PRH1: variants seen among roughly 807,000 people sequenced by gnomAD.
PRH1 encodes the protein proline rich protein HaeIII subfamily 1, also known as salivary acidic proline-rich phosphoprotein 1/2.
In PRH1, 7 loss-of-function variants were observed where a neutral mutation model predicts 7.9. The ratio of observed to expected loss-of-function variants is 0.89; its 90% CI spans 0.50 to 1.67. PRH1 has a LOEUF of 1.67. Ranked by LOEUF, PRH1 falls within the 40% of genes most tolerant of loss-of-function variation. The probability of loss-of-function intolerance (pLI) is 0.00; values close to 1 mark genes in which losing one functional copy is unlikely to be tolerated. For synonymous variants in PRH1, 45 were observed against 80.8 expected, an observed-to-expected ratio of 0.56 and a Z score of 2.38; for missense variants, 109 against 223.6, an observed-to-expected ratio of 0.49 and a Z score of 3.27.
intron 2 of PRH1, among the ~76,000 whole-genome samples, chr12:10,944,531 T>C (rs1221085130): frequency 3.3e-5 from 5 of 151,980 alleles, no homozygotes; most frequent in Admixed American, 2.0e-4. Context: ...TACTCTATGG[T>C]TTTTTGGGCG....
chr12:10,882,115 G>A, intron 3 of PRH1, 102 bp downstream of exon 3: 1 of 1,558,808 alleles, frequency 6.4e-7, no homozygotes, highest in South Asian at 1.2e-5. Context: ...TGTGTTCCAG[G>A]ACAGGGCAAT....
At chr12:11,045,298 G>A (rs1258138885) in intron 1 of PRH1, among the ~76,000 whole-genome samples, 1 of 144,682 alleles carries the variant, frequency 6.9e-6, no homozygotes, top group Non-Finnish European at 1.5e-5. Flanking sequence ...AAGGGAAGGA[G>A]TGGCTGGTTA....
At chr12:11,034,304 A>G (rs1332519532) in intron 1 of PRH1, among the ~76,000 whole-genome samples, 1 of 22,462 alleles carries the variant, frequency 4.5e-5, no homozygotes, top group African/African-American at 1.9e-4. Context: ...AACAGTTATG[A>G]ATAATTCTAC....
chr12:10,943,837 C>T (rs759690987), intron 2 of PRH1, among the ~76,000 whole-genome samples: 5 of 152,150 alleles, frequency 3.3e-5, no homozygotes, highest in African/African-American at 7.2e-5. Context: ...GTCTTGTTCC[C>T]ATAGCTTGTT....
intron 1 of PRH1, among the ~76,000 whole-genome samples, chr12:11,128,555 G>A (rs935071939): frequency 1.3e-5 from 2 of 152,146 alleles, no homozygotes; most frequent in Non-Finnish European, 2.9e-5. Flanking sequence ...ATCCAGCATG[G>A]CCAACATGGT....
At chr12:11,068,019 CTTT>C (rs941569005) in intron 1 of PRH1, among the ~76,000 whole-genome samples, 4 of 133,400 alleles carry the variant, frequency 3.0e-5, no homozygotes, top group Non-Finnish European at 5.0e-5. Context: ...TATGTTTCTG[CTTT>C]TTTAACTTTT....
Position 11,069,260 on chromosome 12 carries a change from A to C in PRH1, n.124-22072T>G, listed in dbSNP as rs558243243. On this transcript the variant is annotated intron_variant and non_coding_transcript_variant, in intron 1 of 4. Transcript: ENST00000541977. ...ATGTAAATTTGACATTTGAAGGAAA[A>C]ATATTTACATAATGTGCTATATGCC... Among the ~76,000 whole-genome samples the C allele has an allele frequency of 4.7e-4, 71 of 152,238 alleles. 1 individual carries two copies. Among genetic ancestry groups the C allele is most frequent in the African/African-American group, 1.6e-3 (68 of 41,546 alleles).
intron 2 of PRH1, among the ~76,000 whole-genome samples, chr12:10,963,008 G>A (rs1282114580): frequency 1.3e-5 from 2 of 152,178 alleles, no homozygotes; most frequent in Non-Finnish European, 2.9e-5. Context: ...CTGACCTCGT[G>A]ATCCGCCCAC....
intron 1 of PRH1, among the ~76,000 whole-genome samples, chr12:11,122,224 G>A (rs1191860606): frequency 1.3e-5 from 2 of 152,230 alleles, no homozygotes; most frequent in Non-Finnish European, 2.9e-5. Flanking sequence ...GACATCATCT[G>A]GCTATTACAC....
At chr12:11,031,394 T>C (rs1942209502) in intron 1 of PRH1, 3 of 1,575,302 alleles carry the variant, frequency 1.9e-6, no homozygotes, top group Non-Finnish European at 2.6e-6. Context: ...AGTTGGTTCC[T>C]GCAGGTGGGT....
At chr12:11,009,175 TTC>T (rs2136037578) in intron 1 of PRH1, among the ~76,000 whole-genome samples, 1 of 152,042 alleles carries the variant, frequency 6.6e-6, no homozygotes, top group Non-Finnish European at 1.5e-5. Context: ...CATTTTTAAT[TTC>T]TGTCTATAAA....
chr12:10,883,917 A>G (rs1949449039), intron 1 of PRH1, among the ~76,000 whole-genome samples: 1 of 152,082 alleles, frequency 6.6e-6, no homozygotes, highest in Non-Finnish European at 1.5e-5. Context: ...TATAATGCAA[A>G]TCTCACTCTC....
At chr12:11,051,879 C>T (rs1306046690), upstream of PRH1, among the ~76,000 whole-genome samples, 1 of 150,648 alleles carries the variant, frequency 6.6e-6, no homozygotes, top group African/African-American at 2.4e-5. Flanking sequence ...ATTATTTATT[C>T]ATCCTTATTT....
chr12:11,168,404 GAAAGAAAGAAAGAAAGGAAAA>G (rs1210809220), intron 1 of PRH1, among the ~76,000 whole-genome samples: 4 of 16,246 alleles, frequency 2.5e-4, no homozygotes, highest in Non-Finnish European at 9.8e-4. Flanking sequence ...AAGAAAGAAA[GAAAGAAAGAAAGAAAGGAAAA>G]GAAAAGAAAA....
At chr12:11,074,871 C>T (rs1251863697) in intron 1 of PRH1, among the ~76,000 whole-genome samples, 8 of 147,862 alleles carry the variant, frequency 5.4e-5, no homozygotes, top group African/African-American at 2.0e-4. Context: ...GCTGTGGTTT[C>T]CCCTTGTAAC....
chr12:11,061,895 A>G lies in PRH1; in HGVS notation n.124-14707T>C, dbSNP rs757857660. ...CAAACCAAAAATAGCAAAGGCCCCAATAGTATCACCAGAACAACACTCTTA... is the reference window on the plus strand; with the variant it reads ...CAAACCAAAAATAGCAAAGGCCCCAGTAGTATCACCAGAACAACACTCTTA... On this transcript the variant is annotated intron_variant and non_coding_transcript_variant, in intron 1 of 4. Transcript: ENST00000541977. 14 of 1,613,906 alleles carry G rather than the reference A, an allele frequency of 8.7e-6. No homozygotes were observed. The South Asian group carries it at 1.1e-4, about 13-fold the overall frequency.
intron 1 of PRH1, among the ~76,000 whole-genome samples, chr12:11,042,429 C>G (rs935983687): frequency 2.1e-5 from 3 of 146,236 alleles, no homozygotes; most frequent in Non-Finnish European, 4.5e-5. Flanking sequence ...AGCCCAAAAC[C>G]TGATAAGACC....
chr12:10,913,625 T>C (rs1227127411), intron 2 of PRH1, among the ~76,000 whole-genome samples: 1 of 152,232 alleles, frequency 6.6e-6, no homozygotes, highest in Non-Finnish European at 1.5e-5. Flanking sequence ...CCTAGAGCTA[T>C]ATGCTAACAT....
At chr12:11,013,213 G>A (rs1300155941) in intron 1 of PRH1, among the ~76,000 whole-genome samples, 2 of 152,098 alleles carry the variant, frequency 1.3e-5, no homozygotes, top group East Asian at 3.9e-4. Context: ...TAACTACAAA[G>A]CTGCACTAAT....
Sources: allele counts gnomAD v4.1 joint callset (sites outside exome capture counted in the v4.1 genomes callset), GRCh38; gene constraint gnomAD v4.1.1; transcripts MANE v1.5; gene names NCBI Gene and HGNC (gene_info 2026-07-23, HGNC 2026-07-21).